Variants in GNE observed in about 807,000 individuals in gnomAD.
The protein encoded by GNE is glucosamine (UDP-N-acetyl)-2-epimerase/N-acetylmannosamine kinase.
Under a neutral mutation model 61.8 loss-of-function variants are expected in GNE, and 41 were observed. The ratio of observed to expected loss-of-function variants is 0.66; its 90% CI spans 0.52 to 0.86. The LOEUF (loss-of-function observed/expected upper bound fraction) is 0.86. GNE is among the 40% of genes least tolerant of loss of function. The probability of loss-of-function intolerance (pLI) is 0.00; values close to 1 mark genes in which losing one functional copy is unlikely to be tolerated. For synonymous variants in GNE, 264 were observed against 326.4 expected (o/e 0.81, Z 2.06); for missense variants, 608 against 909.1 (o/e 0.67, Z 4.26).
At chr9:36,276,859 A>G in intron 1 of GNE, 2 of 1,505,950 alleles carry the variant, frequency 1.3e-6, no homozygotes, top group Non-Finnish European at 1.8e-6. Flanking sequence ...TTGCAATTTC[A>G]ATAATAAAGC....
intron 1 of GNE, among the ~76,000 whole-genome samples, chr9:36,256,301 G>A: frequency 6.9e-6 from 1 of 144,126 alleles, no homozygotes; most frequent in East Asian, 2.0e-4. Context: ...CTGGAGTGCA[G>A]TGGTGCAATC....
At chr9:36,265,030 C>A in intron 1 of GNE, 1 of 282,354 alleles carries the variant, frequency 3.5e-6, no homozygotes, top group South Asian at 4.4e-5. Context: ...TGCTGTTTGC[C>A]GCAGTCGCAG....
intron 2 of GNE, 22 bp from the exon 3 acceptor site, chr9:36,246,504 G>T (rs776482806): frequency 1.3e-6 from 2 of 1,565,334 alleles, no homozygotes; most frequent in East Asian, 2.2e-5. Flanking sequence ...GAGAAATAAA[G>T]ATATAAGAAC....
intron 10 of GNE, 35 bp downstream of exon 10, chr9:36,219,803 T>C: frequency 6.4e-7 from 1 of 1,571,462 alleles, no homozygotes; most frequent in Non-Finnish European, 8.8e-7. Context: ...TGTCTACTAT[T>C]TGGTTACTTA....
rs60845805 is a variant in GNE, at chr9:36,257,802, C to CAAAAAAAAAAAAA, written c.-43+506_-43+518dup. On this transcript the variant is annotated intron_variant, in intron 1 of 11. Transcript: ENST00000642385. ...TGGGCGACAGAGCGAGACTCAGTCT[C>CAAAAAAAAAAAAA]AAAAAAAAAAAAAAAAAAAAAAAAA... Among the ~76,000 whole-genome samples the CAAAAAAAAAAAAA allele has an allele frequency of 1.2e-3, 31 of 25,236 alleles. 8 individuals are homozygous for CAAAAAAAAAAAAA. Among genetic ancestry groups the CAAAAAAAAAAAAA allele is most frequent in the African/African-American group, 3.7e-3 (29 of 7,812 alleles). The allele number at this position is 25,236 out of a possible 152,430, so 16.6% of individuals were successfully genotyped here. A position where few individuals can be genotyped will look rare whatever the true frequency, so the allele number is the denominator to read the frequency against.
At chr9:36,250,219 A>G (rs116759518) in intron 1 of GNE, among the ~76,000 whole-genome samples, 1,682 of 152,146 alleles carry the variant, frequency 0.011, 32 homozygotes, top group African/African-American at 0.037. Flanking sequence ...CAGGCTATTC[A>G]CTCTCACACT....
intron 3 of GNE, among the ~76,000 whole-genome samples, chr9:36,238,025 T>C (rs1829468118): frequency 6.6e-6 from 1 of 152,108 alleles, no homozygotes. Flanking sequence ...TATTCCATCA[T>C]AGATACAGAT....
At position 36,219,915 on chromosome 9, in the gene GNE, GA is replaced by G. The variant is rs1828511885; in HGVS notation, c.1738del (p.Ser580ProfsTer63). ...LVVSLDGPDC[S>X]CGSHGCIEAY... ...TTCAATGCACCCATGGCTTCCACAG[GA>G]ACAATCAGGCCCATCCAGAGACACA... is the stretch of plus-strand genomic sequence containing the variant. On this transcript the variant is annotated frameshift_variant, in exon 10 of 12. Coordinates refer to ENST00000642385, the MANE Select transcript of GNE (RefSeq NM_005476.7). LOFTEE classifies it high-confidence loss of function. 1 of 1,614,122 alleles carries G rather than the reference GA, an allele frequency of 6.2e-7. No homozygotes were observed. The highest frequency in any genetic ancestry group is 8.5e-7 in the Non-Finnish European group (1 of 1,180,010).
At chr9:36,220,647 T>G (rs1466671179) in intron 9 of GNE, among the ~76,000 whole-genome samples, 2 of 152,218 alleles carry the variant, frequency 1.3e-5, no homozygotes, top group African/African-American at 4.8e-5. Context: ...AATCCTTGTC[T>G]CAGGCTCTGC....
Position 36,242,503 on chromosome 9 carries a change from C to T in GNE, c.616+3528G>A, listed in dbSNP as rs537326331. 2.0e-5 allele frequency among the ~76,000 whole-genome samples: 3 copies of T among 152,200 alleles called. No homozygotes were observed. The East Asian group carries it at 5.8e-4, about 30-fold the overall frequency. ...GCGCGATCTCGGCTCACTGCAGCCT[C>T]CGCCTCCTGGGTTTCATGCAATTCT... On this transcript the variant is annotated intron_variant, in intron 3 of 11. Coordinates refer to ENST00000642385, the MANE Select transcript of GNE (RefSeq NM_005476.7).
At chr9:36,250,826 GC>G (rs1830082270) in intron 1 of GNE, among the ~76,000 whole-genome samples, 1 of 152,120 alleles carries the variant, frequency 6.6e-6, no homozygotes, top group Admixed American at 6.5e-5. Context: ...GATTATAGGT[GC>G]CCACCACCAT....
intron 7 of GNE, among the ~76,000 whole-genome samples, chr9:36,226,900 C>T (rs1200787839): frequency 1.3e-5 from 2 of 152,156 alleles, no homozygotes; most frequent in African/African-American, 4.8e-5. Flanking sequence ...TTTGCTGATA[C>T]CCCTCACCTG....
intron 1 of GNE, among the ~76,000 whole-genome samples, chr9:36,255,399 G>A (rs576179361): frequency 3.9e-5 from 6 of 152,080 alleles, no homozygotes; most frequent in Non-Finnish European, 7.4e-5. Context: ...TAGTTGAGAC[G>A]CGGTTTCAAC....
At chr9:36,224,633 C>T (rs1231343168) in intron 7 of GNE, among the ~76,000 whole-genome samples, 1 of 152,038 alleles carries the variant, frequency 6.6e-6, no homozygotes, top group Admixed American at 6.6e-5. Flanking sequence ...CTTTGAGAGG[C>T]CGAGGCAGGT....
chr9:36,270,423 C>T (rs973062627), intron 1 of GNE, among the ~76,000 whole-genome samples: 4 of 151,780 alleles, frequency 2.6e-5, no homozygotes, highest in African/African-American at 9.7e-5. Flanking sequence ...TCAAGAAAAT[C>T]GGGCATCAAA....
intron 5 of GNE, among the ~76,000 whole-genome samples, chr9:36,230,861 C>G (rs1352788017): frequency 6.6e-6 from 1 of 151,914 alleles, no homozygotes; most frequent in Non-Finnish European, 1.5e-5. Flanking sequence ...TCCCAAAGCA[C>G]TGGGATTATA....
Position 36,246,156 on chromosome 9 carries a change from G to A in GNE, c.491C>T (p.Ala164Val), listed in dbSNP as rs1479086633. The change falls in exon 3 of 12, where the codon GCA becomes GTA. Residue 164 changes from alanine (A) to valine (V), a missense_variant. Transcript: ENST00000642385. ...AHYHVCCTRS[A>V]EQHLISMCED... ...ACACATGGATATCAGGTGCTGCTCT[G>A]CACTGCGGGTGCAGCACACATGATA... 1 of 1,613,816 alleles carries A rather than the reference G, an allele frequency of 6.2e-7. No homozygotes were observed. The highest frequency in any genetic ancestry group is 1.1e-5 in the South Asian group (1 of 91,074).
chr9:36,237,009 T>C lies in GNE; in HGVS notation c.617-25A>G, dbSNP rs781431952. 3.2e-6 allele frequency: 5 copies of C among 1,580,142 alleles called. No homozygotes were observed. In the Admixed American group the frequency reaches 5.0e-5, roughly 16 times the overall value. On this transcript the variant is annotated intron_variant, in intron 3 of 11. Transcript: ENST00000642385. The stretch of plus-strand genomic sequence containing the variant: ...CCTGTTTAAAGAAAATCAAACCACA[T>C]TGCTTCATTAGTTAAGAATCTTAAA...
At chr9:36,234,888 G>A (rs1039439546) in intron 4 of GNE, among the ~76,000 whole-genome samples, 3 of 152,108 alleles carry the variant, frequency 2.0e-5, no homozygotes, top group Admixed American at 6.6e-5. Flanking sequence ...TTGCAAGGTA[G>A]GTAAATGGAC....
Sources: allele counts gnomAD v4.1 joint callset (sites outside exome capture counted in the v4.1 genomes callset), GRCh38; gene constraint gnomAD v4.1.1; transcripts MANE v1.5; gene names NCBI Gene and HGNC (gene_info 2026-07-23, HGNC 2026-07-21).